The following SORCS3 variants were observed in gnomAD, a reference collection of about 807,000 sequenced individuals.
The protein encoded by SORCS3 is VPS10 domain-containing receptor SorCS3.
A neutral mutation model predicts 146.3 loss-of-function variants in SORCS3; 57 were observed. The observed-to-expected ratio is 0.39, with a 90% CI of 0.31 to 0.49. The LOEUF (loss-of-function observed/expected upper bound fraction) is 0.49. Ranked by LOEUF, SORCS3 falls within the 20% of genes least tolerant of loss-of-function variation. The pLI is 0.92. For synonymous variants in SORCS3, 653 were observed against 618.5 expected, an observed-to-expected ratio of 1.06 and a Z score of -0.83; for missense variants, 1,341 against 1,575.5, an observed-to-expected ratio of 0.85 and a Z score of 2.52.
intron 3 of SORCS3, among the ~76,000 whole-genome samples, chr10:104,966,429 T>C (rs2054826671): frequency 6.6e-6 from 1 of 152,238 alleles, no homozygotes; most frequent in Non-Finnish European, 1.5e-5. Flanking sequence ...TTATTTCTTA[T>C]TGAACACTAA....
At chr10:105,247,354 T>C (rs1161993259) in intron 22 of SORCS3, 23 bp downstream of exon 22, 1 of 1,378,522 alleles carries the variant, frequency 7.3e-7, no homozygotes, top group Admixed American at 1.7e-5. Context: ...TGTCTTTTTT[T>C]AAGTTCTTGT....
Position 105,198,237 on chromosome 10 carries a change from G to A in SORCS3, c.2010-1762G>A, listed in dbSNP as rs866525235. On this transcript the variant is annotated intron_variant, in intron 14 of 26. Coordinates refer to ENST00000369701, the MANE Select transcript of SORCS3 (RefSeq NM_014978.3). ...CCAGGAAGTAAATTTGAACTATGTG[G>A]AGTCAACAGAAATATATGGTTTAGC... Among the ~76,000 whole-genome samples the A allele has an allele frequency of 4.2e-4, 64 of 152,236 alleles. No homozygotes were observed. The Middle Eastern group carries it at 0.01, about 24-fold the overall frequency.
chr10:104,975,424 T>G (rs1044559285), intron 3 of SORCS3, among the ~76,000 whole-genome samples: 3 of 151,368 alleles, frequency 2.0e-5, no homozygotes, highest in Non-Finnish European at 4.4e-5. Flanking sequence ...TACAAAGAAA[T>G]GGAAGAACAT....
At chr10:105,113,279 C>A (rs1292547750) in intron 7 of SORCS3, among the ~76,000 whole-genome samples, 1 of 152,176 alleles carries the variant, frequency 6.6e-6, no homozygotes, top group East Asian at 1.9e-4. Flanking sequence ...CAAATCTTTT[C>A]TCTGCATATT....
At chr10:104,837,150 C>T (rs984548308) in intron 1 of SORCS3, among the ~76,000 whole-genome samples, 4 of 152,056 alleles carry the variant, frequency 2.6e-5, no homozygotes, top group South Asian at 2.1e-4. Context: ...ATGTGTCAGC[C>T]GTTGTGCTTG....
chr10:105,039,451 CTTTTTTTTTTT>C (rs920662213), intron 4 of SORCS3, among the ~76,000 whole-genome samples: 10 of 96,544 alleles, frequency 1.0e-4, no homozygotes, highest in African/African-American at 2.9e-4. Flanking sequence ...CTCTCGCTCT[CTTTTTTTTTTT>C]TTTTTTTTTT....
chr10:104,781,241 G>A (rs1370813326), intron 1 of SORCS3, among the ~76,000 whole-genome samples: 1 of 152,220 alleles, frequency 6.6e-6, no homozygotes, highest in Non-Finnish European at 1.5e-5. Flanking sequence ...GAGAAGTTAA[G>A]GAGCTTGTTT....
At chr10:105,118,897 T>A (rs1005622300) in intron 7 of SORCS3, among the ~76,000 whole-genome samples, 1 of 152,132 alleles carries the variant, frequency 6.6e-6, no homozygotes, top group African/African-American at 2.4e-5. Flanking sequence ...AGTCTGATGA[T>A]GTGAGAGAAG....
intron 1 of SORCS3, among the ~76,000 whole-genome samples, chr10:104,751,924 CATATATAT>C (rs71482435): frequency 0.044 from 1,701 of 38,278 alleles, 29 homozygotes; most frequent in East Asian, 0.13. Flanking sequence ...TAATAGGAAG[CATATATAT>C]ATATATATAT....
intron 20 of SORCS3, among the ~76,000 whole-genome samples, chr10:105,240,665 TG>T (rs1439116050): frequency 6.6e-6 from 1 of 152,162 alleles, no homozygotes; most frequent in Non-Finnish European, 1.5e-5. Flanking sequence ...TTTAGCCCTG[TG>T]GGGGTATAAA....
intron 3 of SORCS3, among the ~76,000 whole-genome samples, chr10:104,955,016 A>G (rs1189147670): frequency 6.6e-6 from 1 of 152,216 alleles, no homozygotes; most frequent in African/African-American, 2.4e-5. Context: ...TTAACTAAAT[A>G]ACTAAATAAT....
intron 1 of SORCS3, among the ~76,000 whole-genome samples, chr10:104,825,101 T>G (rs2017920583): frequency 6.6e-6 from 1 of 152,182 alleles, no homozygotes; most frequent in Non-Finnish European, 1.5e-5. Flanking sequence ...CTCTTTATTT[T>G]GTGAGCTTCA....
intron 1 of SORCS3, among the ~76,000 whole-genome samples, chr10:104,841,398 G>A (rs1305181119): frequency 3.9e-5 from 6 of 152,170 alleles, no homozygotes; most frequent in Admixed American, 3.9e-4. Flanking sequence ...AGGTAGCTTG[G>A]TAAATTCTAC....
intron 14 of SORCS3, 89 bp from the exon 15 acceptor site, chr10:105,199,910 T>A (rs1226323583): frequency 3.2e-6 from 3 of 925,964 alleles, no homozygotes; most frequent in African/African-American, 3.3e-5. Flanking sequence ...CTGCAGTGAA[T>A]CTCTATCTCC....
At chr10:105,128,974 G>C (rs370440044) in intron 7 of SORCS3, among the ~76,000 whole-genome samples, 1 of 152,092 alleles carries the variant, frequency 6.6e-6, no homozygotes, top group Non-Finnish European at 1.5e-5. Context: ...GGGTTACAAT[G>C]CCTAAAATTG....
intron 4 of SORCS3, among the ~76,000 whole-genome samples, chr10:105,028,069 A>T (rs564188676): frequency 1.3e-5 from 2 of 152,352 alleles, no homozygotes; most frequent in East Asian, 3.9e-4. Context: ...CAGGTTTTGC[A>T]GTGGCTTTAT....
intron 14 of SORCS3, among the ~76,000 whole-genome samples, chr10:105,187,885 A>G (rs910230126): frequency 2.0e-5 from 3 of 152,222 alleles, no homozygotes; most frequent in African/African-American, 7.2e-5. Flanking sequence ...AGCCACTTCC[A>G]TCCTCAGTAG....
At chr10:105,032,201 A>G (rs2055273159) in intron 4 of SORCS3, among the ~76,000 whole-genome samples, 1 of 152,216 alleles carries the variant, frequency 6.6e-6, no homozygotes, top group African/African-American at 2.4e-5. Flanking sequence ...TTAAAAAAAG[A>G]AAGAAAGAAA....
intron 1 of SORCS3, among the ~76,000 whole-genome samples, chr10:104,656,636 C>T (rs991287735): frequency 1.3e-5 from 2 of 151,734 alleles, no homozygotes; most frequent in South Asian, 4.2e-4. Flanking sequence ...TGCACTCTAA[C>T]CTGGATGACA....
Sources: gnomAD v4.1 joint callset for allele counts (sites outside exome capture counted in the v4.1 genomes callset) on GRCh38, gnomAD v4.1.1 for gene constraint, MANE v1.5 for transcripts, NCBI Gene and HGNC (gene_info 2026-07-23, HGNC 2026-07-21) for gene names.